BRINP3: variants seen among roughly 807,000 people sequenced by gnomAD.
BRINP3 encodes BMP/retinoic acid inducible neural specific 3.
Under a neutral mutation model 71.0 loss-of-function variants are expected in BRINP3, and 19 were observed. The observed-to-expected ratio is 0.27, with a 90% CI of 0.19 to 0.39. The LOEUF (loss-of-function observed/expected upper bound fraction) is 0.39, where lower values mean the gene tolerates loss of function less well. Among genes scored for constraint, BRINP3 ranks in the 10% least tolerant of loss-of-function variants. The pLI is 1.00. For missense variants in BRINP3, 959 were observed against 940.8 expected (o/e 1.02, Z -0.25); for synonymous variants, 380 against 337.7 (o/e 1.13, Z -1.37).
At chr1:190,292,422 G>C (rs1161945100) in intron 2 of BRINP3, among the ~76,000 whole-genome samples, 2 of 152,132 alleles carry the variant, frequency 1.3e-5, no homozygotes, top group Non-Finnish European at 2.9e-5. Context: ...GGAAGGCTGA[G>C]GCTGGAAGAT....
At chr1:190,289,234 T>C (rs952600413) in intron 2 of BRINP3, among the ~76,000 whole-genome samples, 4 of 151,974 alleles carry the variant, frequency 2.6e-5, no homozygotes, top group African/African-American at 9.7e-5. Context: ...AGATGAGTTT[T>C]GAATAATAAC....
intron 2 of BRINP3, among the ~76,000 whole-genome samples, chr1:190,313,595 A>G (rs6428020): frequency 0.56 from 84,956 of 151,742 alleles, 24,030 homozygotes; most frequent in Admixed American, 0.68. Flanking sequence ...TTATTCTTAC[A>G]ACATCATCAA....
intron 3 of BRINP3, among the ~76,000 whole-genome samples, chr1:190,275,353 T>C (rs1042330846): frequency 1.3e-5 from 2 of 151,768 alleles, no homozygotes; most frequent in Non-Finnish European, 3.0e-5. Context: ...ACAGATACTT[T>C]AAACAGTGTT....
chr1:190,475,285 A>G (rs1390621685), intron 1 of BRINP3, among the ~76,000 whole-genome samples: 3 of 152,218 alleles, frequency 2.0e-5, no homozygotes. Context: ...ATAGCTCATT[A>G]AAATAAATAA....
intron 6 of BRINP3, among the ~76,000 whole-genome samples, chr1:190,186,146 C>G (rs577906158): frequency 6.6e-6 from 1 of 151,898 alleles, no homozygotes; most frequent in Non-Finnish European, 1.5e-5. Flanking sequence ...GAGGCCGAGA[C>G]GGGTGGATTA....
chr1:190,333,914 C>CT (rs1000628997), intron 2 of BRINP3, among the ~76,000 whole-genome samples: 3 of 151,792 alleles, frequency 2.0e-5, no homozygotes, highest in Non-Finnish European at 4.4e-5. Flanking sequence ...CTTGACAGCC[C>CT]TTCAAATATT....
At chr1:190,325,684 G>C (rs565666107) in intron 2 of BRINP3, among the ~76,000 whole-genome samples, 2 of 152,186 alleles carry the variant, frequency 1.3e-5, no homozygotes, top group South Asian at 4.1e-4. Flanking sequence ...TCAGAAGACA[G>C]TTGTATAATA....
intron 2 of BRINP3, among the ~76,000 whole-genome samples, chr1:190,298,548 T>A (rs1664426498): frequency 6.6e-6 from 1 of 152,090 alleles, no homozygotes; most frequent in Non-Finnish European, 1.5e-5. Context: ...CATTTCTGGG[T>A]TTTTTAAAAA....
At chr1:190,454,559 ACCTT>A (rs1675858914) in intron 2 of BRINP3, 92 bp downstream of exon 2, 1 of 922,834 alleles carries the variant, frequency 1.1e-6, no homozygotes, top group African/African-American at 1.7e-5. Flanking sequence ...TTCTGATAAT[ACCTT>A]TTTCCCGTCT....
At chr1:190,167,138 T>C (rs1037131122) in intron 6 of BRINP3, among the ~76,000 whole-genome samples, 59 of 152,222 alleles carry the variant, frequency 3.9e-4, no homozygotes, top group African/African-American at 1.4e-3. Context: ...ATTTTGGTTG[T>C]GTCATCCAAA....
intron 5 of BRINP3, among the ~76,000 whole-genome samples, chr1:190,228,791 C>CT (rs58377424): frequency 2.6e-5 from 4 of 150,954 alleles, no homozygotes; most frequent in Non-Finnish European, 5.9e-5. Flanking sequence ...ACGGAATTTT[C>CT]TTTTTTTTTC....
Position 190,097,918 on chromosome 1 carries a change from T to G in BRINP3, c.*100A>C. On this transcript the variant is annotated 3_prime_UTR_variant, in exon 8 of 8. Coordinates refer to ENST00000367462, the MANE Select transcript of BRINP3 (RefSeq NM_199051.3). ...GTTATTGACTGATATAAGACAGATA[T>G]TGAAAAGACAATTTAAATTTACTCT... is the stretch of plus-strand genomic sequence containing the variant. 1 of 1,286,040 alleles carries G rather than the reference T, an allele frequency of 7.8e-7. No individual in the cohort carries two copies. The highest frequency in any genetic ancestry group is 1.5e-5 in the African/African-American group (1 of 67,224). 79.7% of individuals were successfully genotyped at this position (1,286,040 alleles called of 1,614,324 possible). A position where few individuals can be genotyped will look rare whatever the true frequency, so the allele number is the denominator to read the frequency against.
intron 7 of BRINP3, among the ~76,000 whole-genome samples, chr1:190,146,193 A>T (rs1655874392): frequency 6.6e-6 from 1 of 152,184 alleles, no homozygotes; most frequent in Non-Finnish European, 1.5e-5. Flanking sequence ...GTACCCCAAA[A>T]CTATTGGAAT....
rs374687595 is a variant in BRINP3 at position 190,234,353 on chromosome 1, T to C, written c.724+19A>G. The C allele has an allele frequency of 7.9e-5, 124 of 1,571,820 alleles. No homozygotes were observed. Among genetic ancestry groups the C allele is most frequent in the Non-Finnish European group, 9.9e-5 (114 of 1,146,442 alleles). On this transcript the variant is annotated intron_variant, in intron 5 of 7. Coordinates refer to ENST00000367462, the MANE Select transcript of BRINP3 (RefSeq NM_199051.3). ...GCTATTCAGGCTTGTAGAGAATTAA[T>C]GAAATTTTACCAACATACCTTGCAA... is the stretch of plus-strand genomic sequence containing the variant.
intron 2 of BRINP3, among the ~76,000 whole-genome samples, chr1:190,357,421 T>G (rs1312086140): frequency 1.3e-5 from 2 of 152,002 alleles, no homozygotes; most frequent in African/African-American, 4.8e-5. Flanking sequence ...GATAGAAAAT[T>G]TTGATTATTA....
At chr1:190,283,609 G>A (rs1571626509) in intron 2 of BRINP3, among the ~76,000 whole-genome samples, 1 of 148,718 alleles carries the variant, frequency 6.7e-6, no homozygotes, top group East Asian at 2.0e-4. Flanking sequence ...TGAATTGTAG[G>A]TACATAATGT....
In BRINP3 at chr1:190,177,329, A is replaced by ATT. The variant is rs11307442; in HGVS notation, c.962-16441_962-16440dup. On this transcript the variant is annotated intron_variant, in intron 6 of 7. Coordinates refer to ENST00000367462, the MANE Select transcript of BRINP3 (RefSeq NM_199051.3). ...AGGCGCCCATTACCATGCCTGGATA[A>ATT]TTTTTTTTTTTTTTTTTTTTTTGTA... 1.3e-3 allele frequency among the ~76,000 whole-genome samples: 127 copies of ATT among 98,704 alleles called. 1 individual carries two copies. Among genetic ancestry groups the ATT allele is most frequent in the East Asian group, 4.9e-3 (17 of 3,482 alleles). 64.8% of individuals were successfully genotyped at this position (98,704 alleles called of 152,430 possible). A position where few individuals can be genotyped will look rare whatever the true frequency, so the allele number is the denominator to read the frequency against.
intron 2 of BRINP3, among the ~76,000 whole-genome samples, chr1:190,301,165 A>G (rs1416986337): frequency 1.8e-5 from 1 of 56,152 alleles, no homozygotes; most frequent in African/African-American, 5.1e-5. Flanking sequence ...ATATATATAT[A>G]CATATATATA....
At chr1:190,190,194 G>A (rs1487042808) in intron 6 of BRINP3, among the ~76,000 whole-genome samples, 3 of 152,110 alleles carry the variant, frequency 2.0e-5, no homozygotes, top group Non-Finnish European at 4.4e-5. Context: ...TTACTGGCTT[G>A]GAATAGGGGG....
Sources: allele counts gnomAD v4.1 joint callset (sites outside exome capture counted in the v4.1 genomes callset), GRCh38; gene constraint gnomAD v4.1.1; transcripts MANE v1.5; gene names NCBI Gene and HGNC (gene_info 2026-07-23, HGNC 2026-07-21).